The following SRL variants were observed in gnomAD, a reference collection of about 807,000 sequenced individuals.
SRL encodes sarcalumenin.
Under a neutral mutation model 39.5 loss-of-function variants are expected in SRL, and 23 were observed. The ratio of observed to expected loss-of-function variants is 0.58; its 90% CI spans 0.42 to 0.82. The LOEUF is 0.82. Ranked by LOEUF, SRL falls within the 40% of genes least tolerant of loss-of-function variation. The probability of loss-of-function intolerance (pLI) is 0.00; values close to 1 mark genes in which losing one functional copy is unlikely to be tolerated. For synonymous variants in SRL, 272 were observed against 237.4 expected (o/e 1.15, Z -1.34); for missense variants, 592 against 607.8 (o/e 0.97, Z 0.27).
intron 1 of SRL, chr16:4,239,764 G>A (rs1448376788): frequency 6.6e-6 from 1 of 152,452 alleles, no homozygotes; most frequent in Non-Finnish European, 1.5e-5. Context: ...AAGTTTTCCT[G>A]TTTCTCTGGG....
At chr16:4,201,473 T>A (rs370621702) in intron 3 of SRL, among the ~76,000 whole-genome samples, 1 of 133,084 alleles carries the variant, frequency 7.5e-6, no homozygotes, top group Non-Finnish European at 1.6e-5. Flanking sequence ...GGCAGGGTTC[T>A]GCCATGTTGG....
rs564423342 is a variant in SRL at position 4,196,396 on chromosome 16, C to G, written c.377-610G>C. 2.0e-5 allele frequency among the ~76,000 whole-genome samples: 3 copies of G among 152,038 alleles called. No homozygotes were observed. In the South Asian group the frequency reaches 6.2e-4, roughly 32 times the overall value. On this transcript the variant is annotated intron_variant, in intron 4 of 5. Transcript: ENST00000399609. The stretch of plus-strand genomic sequence containing the variant: ...AACTGAAAACTCTGTATCCATTAAA[C>G]AGTCATTCCCCATTTCCTCTTCCCC...
At chr16:4,199,364 C>CTTTTTT (rs71139622) in intron 3 of SRL, among the ~76,000 whole-genome samples, 24 of 84,640 alleles carry the variant, frequency 2.8e-4, no homozygotes, top group African/African-American at 4.9e-4. Flanking sequence ...TATTCCCCAT[C>CTTTTTT]TTTTTTTTTT....
In SRL at chr16:4,205,443, GT is replaced by G. The variant is rs2052306313; in HGVS notation, c.62-810del. 3.3e-5 allele frequency among the ~76,000 whole-genome samples: 5 copies of G among 152,088 alleles called. No individual in the cohort carries two copies. In the South Asian group the frequency reaches 8.3e-4, roughly 25 times the overall value. ...AAACAATAAAAATAATTAATAAAATGTAATCATTACAGATGATGAGGTGGCC... is the reference window on the plus strand; with the variant it reads ...AAACAATAAAAATAATTAATAAAATGAATCATTACAGATGATGAGGTGGCC... On this transcript the variant is annotated intron_variant, in intron 1 of 5. Transcript: ENST00000399609.
At chr16:4,238,165 T>C (rs575907535) in intron 1 of SRL, among the ~76,000 whole-genome samples, 1 of 152,226 alleles carries the variant, frequency 6.6e-6, no homozygotes, top group Non-Finnish European at 1.5e-5. Flanking sequence ...TATGCTGCGA[T>C]GAGGCCTGGA....
At chr16:4,220,356 G>A (rs547073313) in intron 1 of SRL, among the ~76,000 whole-genome samples, 2 of 150,908 alleles carry the variant, frequency 1.3e-5, no homozygotes, top group South Asian at 2.1e-4. Context: ...GCTGAGGCAC[G>A]AGAATTGCTT....
At chr16:4,220,294 C>A (rs1307521227) in intron 1 of SRL, among the ~76,000 whole-genome samples, 1 of 151,578 alleles carries the variant, frequency 6.6e-6, no homozygotes, top group East Asian at 1.9e-4. Context: ...CACACACACA[C>A]ACACACACAC....
intron 1 of SRL, among the ~76,000 whole-genome samples, chr16:4,204,994 T>C (rs780624587): frequency 1.3e-5 from 2 of 152,154 alleles, no homozygotes; most frequent in Admixed American, 6.5e-5. Flanking sequence ...AGGCAGCTGC[T>C]CTTAGTCCAG....
chr16:4,230,105 G>A (rs1308879938), intron 1 of SRL, among the ~76,000 whole-genome samples: 1 of 151,864 alleles, frequency 6.6e-6, no homozygotes. Flanking sequence ...CTCCCCACCC[G>A]GGCAGCCACC....
chr16:4,207,434 G>A (rs530374240), intron 1 of SRL: 292 of 456,786 alleles, frequency 6.4e-4, no homozygotes, highest in African/African-American at 5.3e-3. Flanking sequence ...CAGCCGCGAC[G>A]TCAGGGGCTC....
chr16:4,210,294 G>C (rs750367948), intron 1 of SRL, among the ~76,000 whole-genome samples: 1 of 152,088 alleles, frequency 6.6e-6, no homozygotes, highest in Non-Finnish European at 1.5e-5. Flanking sequence ...TGGGAATTTG[G>C]TTTAATCAGA....
intron 1 of SRL, among the ~76,000 whole-genome samples, chr16:4,228,790 G>A (rs923145704): frequency 5.3e-5 from 8 of 151,804 alleles, no homozygotes; most frequent in Non-Finnish European, 1.0e-4. Context: ...TGAAGACCCC[G>A]GGGCTGGGGA....
At chr16:4,241,019 C>T (rs1274650585) in intron 1 of SRL, among the ~76,000 whole-genome samples, 1 of 152,144 alleles carries the variant, frequency 6.6e-6, no homozygotes, top group Non-Finnish European at 1.5e-5. Flanking sequence ...CCTGCAGGGA[C>T]TGTGCCCCTG....
chr16:4,199,351 A>T (rs28593351), intron 3 of SRL, among the ~76,000 whole-genome samples: 16,785 of 148,374 alleles, frequency 0.11, 3,143 homozygotes, highest in African/African-American at 0.39. Context: ...TTTGTAGCTA[A>T]CATATTCCCC....
chr16:4,223,341 C>G (rs2052551893), intron 1 of SRL, among the ~76,000 whole-genome samples: 2 of 151,604 alleles, frequency 1.3e-5, no homozygotes, highest in South Asian at 4.2e-4. Context: ...TCTCAGGCCT[C>G]CAGAACAAAG....
At chr16:4,197,741 C>T (rs868146779) in intron 4 of SRL, 58 bp downstream of exon 4, 4 of 1,263,156 alleles carry the variant, frequency 3.2e-6, no homozygotes, top group African/African-American at 2.9e-5. Context: ...TTTAAATTTT[C>T]ATGGTGCTTT....
At chr16:4,220,126 G>A (rs2052505374) in intron 1 of SRL, among the ~76,000 whole-genome samples, 1 of 152,086 alleles carries the variant, frequency 6.6e-6, no homozygotes, top group South Asian at 2.1e-4. Flanking sequence ...AGAACACCCA[G>A]CCACCCTAAG....
intron 1 of SRL, among the ~76,000 whole-genome samples, chr16:4,209,435 A>T (rs887553945): frequency 6.6e-6 from 1 of 151,182 alleles, no homozygotes; most frequent in Non-Finnish European, 1.5e-5. Context: ...TTCTTCCTTG[A>T]CTCTCAAGGC....
chr16:4,221,616 C>G (rs2052531726), intron 1 of SRL, among the ~76,000 whole-genome samples: 1 of 152,204 alleles, frequency 6.6e-6, no homozygotes, highest in African/African-American at 2.4e-5. Flanking sequence ...TCAAAAAAGG[C>G]CCAGATCCCT....
Sources: allele counts gnomAD v4.1 joint callset (sites outside exome capture counted in the v4.1 genomes callset), GRCh38; gene constraint gnomAD v4.1.1; transcripts MANE v1.5; gene names NCBI Gene and HGNC (gene_info 2026-07-23, HGNC 2026-07-21).